The following RBFOX1 variants were observed in gnomAD, a reference collection of about 807,000 sequenced individuals.
The protein encoded by RBFOX1 is RNA binding fox-1 homolog 1, also known as RNA binding protein fox-1 homolog 1.
In RBFOX1, 8 loss-of-function variants were observed where a neutral mutation model predicts 57.7. That is an observed-to-expected ratio of 0.14 (90% CI 0.08 to 0.25). The LOEUF is 0.25. Ranked by LOEUF, RBFOX1 falls within the 10% of genes least tolerant of loss-of-function variation. RBFOX1 has a pLI of 1.00. For synonymous variants in RBFOX1, 326 were observed against 222.4 expected, an observed-to-expected ratio of 1.47 and a Z score of -4.15; for missense variants, 611 against 548.5, an observed-to-expected ratio of 1.11 and a Z score of -1.14.
intron 9 of RBFOX1, among the ~76,000 whole-genome samples, chr16:7,606,702 C>T (rs936329850): frequency 2.0e-5 from 3 of 152,256 alleles, no homozygotes; most frequent in African/African-American, 4.8e-5. Flanking sequence ...CCTTAGATAT[C>T]ATACATTGAT....
At chr16:5,291,175 C>G (rs946787054) in intron 1 of RBFOX1, among the ~76,000 whole-genome samples, 7 of 152,196 alleles carry the variant, frequency 4.6e-5, no homozygotes, top group Admixed American at 4.6e-4. Flanking sequence ...ACTCTGTGTC[C>G]CAGCTTCCCC....
intron 11 of RBFOX1, among the ~76,000 whole-genome samples, chr16:7,631,107 A>G (rs937880468): frequency 1.3e-5 from 2 of 152,204 alleles, no homozygotes; most frequent in Non-Finnish European, 2.9e-5. Flanking sequence ...AAATACCACT[A>G]GCCTGCAGCT....
At chr16:6,753,749 C>T (rs143091324) in intron 3 of RBFOX1, among the ~76,000 whole-genome samples, 288 of 152,164 alleles carry the variant, frequency 1.9e-3, no homozygotes, top group Non-Finnish European at 3.1e-3. Flanking sequence ...GCTCTGGCCT[C>T]CTTGGATTTA....
intron 3 of RBFOX1, among the ~76,000 whole-genome samples, chr16:6,720,671 G>A (rs1022603777): frequency 1.3e-5 from 2 of 152,166 alleles, no homozygotes; most frequent in Non-Finnish European, 2.9e-5. Flanking sequence ...AAGGAGACAT[G>A]TGTCAGGAAG....
chr16:6,845,394 G>A (rs758434875), intron 3 of RBFOX1, among the ~76,000 whole-genome samples: 19 of 151,790 alleles, frequency 1.3e-4, no homozygotes, highest in Non-Finnish European at 2.2e-4. Context: ...AATTTTCTGT[G>A]TATGGCCAGA....
rs568856207 is a variant in RBFOX1 at position 6,097,679 on chromosome 16, G to A, written c.-127+77687G>A. Among the ~76,000 whole-genome samples, 16 of 152,072 alleles carry A rather than the reference G, an allele frequency of 1.1e-4. 1 individual carries two copies. Among genetic ancestry groups the A allele is most frequent in the Admixed American group, 7.2e-4 (11 of 15,274 alleles). On this transcript the variant is annotated intron_variant, in intron 1 of 15. Coordinates refer to ENST00000550418, the MANE Select transcript of RBFOX1 (RefSeq NM_018723.4). The surrounding 1 kb of genome is among the most constrained non-coding windows in gnomAD (Gnocchi z 5.0). ...TTAATAAGTGTCTAAGCTAGGATTT[G>A]ACCCTAGGGCTTGTGAATCTGGAGC... is the stretch of plus-strand genomic sequence containing the variant.
At chr16:7,575,789 G>A (rs1032557538) in intron 5 of RBFOX1, among the ~76,000 whole-genome samples, 2 of 152,130 alleles carry the variant, frequency 1.3e-5, no homozygotes, top group Non-Finnish European at 2.9e-5. Context: ...CCAGAAAAAA[G>A]AGAAAGAAAA....
chr16:5,907,877 G>A (rs991580912), intron 4 of RBFOX1, among the ~76,000 whole-genome samples: 10 of 151,386 alleles, frequency 6.6e-5, no homozygotes, highest in Non-Finnish European at 1.5e-4. Context: ...CAGCCTCCCA[G>A]CTAGCTAGGA....
intron 3 of RBFOX1, among the ~76,000 whole-genome samples, chr16:6,690,563 A>ATAT (rs200760172): frequency 3.6e-4 from 2 of 5,494 alleles, no homozygotes; most frequent in Non-Finnish European, 9.0e-3. Flanking sequence ...TTTCAAAACT[A>ATAT]TACTGAGATG....
At chr16:5,982,759 C>T (rs901000346) in intron 4 of RBFOX1, among the ~76,000 whole-genome samples, 1 of 152,194 alleles carries the variant, frequency 6.6e-6, no homozygotes, top group South Asian at 2.1e-4. Flanking sequence ...GTTTTCCTTA[C>T]AGAACTTACT....
chr16:7,141,075 G>T (rs76046284), intron 4 of RBFOX1, among the ~76,000 whole-genome samples: 1 of 152,116 alleles, frequency 6.6e-6, no homozygotes, highest in Non-Finnish European at 1.5e-5. Context: ...ACCTCCTGAC[G>T]ATGAGCTGGG....
intron 4 of RBFOX1, among the ~76,000 whole-genome samples, chr16:7,335,150 A>G (rs2096762695): frequency 6.6e-6 from 1 of 152,220 alleles, no homozygotes. Context: ...CAAAGGGAGA[A>G]AAAACTGTAT....
intron 1 of RBFOX1, among the ~76,000 whole-genome samples, chr16:5,256,052 G>C (rs1251519272): frequency 6.6e-6 from 1 of 152,078 alleles, no homozygotes; most frequent in Non-Finnish European, 1.5e-5. Flanking sequence ...AGATGCTGCA[G>C]ATAACGTGGA....
At chr16:6,446,458 G>A (rs2094487712) in intron 2 of RBFOX1, among the ~76,000 whole-genome samples, 1 of 152,142 alleles carries the variant, frequency 6.6e-6, no homozygotes, top group Admixed American at 6.5e-5. Context: ...TCTCATGTAA[G>A]GGACATTCAA....
At chr16:6,464,371 C>T (rs2094991494) in intron 2 of RBFOX1, among the ~76,000 whole-genome samples, 1 of 152,096 alleles carries the variant, frequency 6.6e-6, no homozygotes. Flanking sequence ...GAATTAACTC[C>T]ATAGCAAAAA....
chr16:5,779,870 G>C (rs2054271560), intron 3 of RBFOX1, among the ~76,000 whole-genome samples: 1 of 152,132 alleles, frequency 6.6e-6, no homozygotes, highest in Non-Finnish European at 1.5e-5. Context: ...TAATCTGCCT[G>C]ATCTTCAGTT....
intron 4 of RBFOX1, among the ~76,000 whole-genome samples, chr16:5,873,424 C>G (rs2057527877): frequency 6.6e-6 from 1 of 152,216 alleles, no homozygotes; most frequent in South Asian, 2.1e-4. Flanking sequence ...TTTGCCCAGT[C>G]ATGCTTTGAT....
chr16:6,627,702 G>T (rs550251594), intron 2 of RBFOX1, among the ~76,000 whole-genome samples: 1 of 152,250 alleles, frequency 6.6e-6, no homozygotes, highest in African/African-American at 2.4e-5. Context: ...AAACAAAGAC[G>T]CAAAAGTGAG....
chr16:5,651,891 G>A (rs1013602303), intron 3 of RBFOX1, among the ~76,000 whole-genome samples: 5 of 152,056 alleles, frequency 3.3e-5, no homozygotes, highest in African/African-American at 9.7e-5. Flanking sequence ...CCCAGCATTC[G>A]GAAGGCCAAG....
Sources: allele counts gnomAD v4.1 joint callset (sites outside exome capture counted in the v4.1 genomes callset), GRCh38; gene constraint gnomAD v4.1.1; non-coding constraint Gnocchi (gnomAD v3.1); transcripts MANE v1.5; gene names NCBI Gene and HGNC (gene_info 2026-07-23, HGNC 2026-07-21).